ENKUR: variants seen among roughly 807,000 people sequenced by gnomAD.
ENKUR encodes enkurin, TRPC channel interacting protein.
ENKUR carries 19 observed loss-of-function variants against 27.6 expected under a neutral mutation model. That is an observed-to-expected ratio of 0.69 (90% CI 0.48 to 1.01). The LOEUF (loss-of-function observed/expected upper bound fraction) is 1.01. Ranked by LOEUF, ENKUR falls within the 50% of genes least tolerant of loss-of-function variation. ENKUR has a pLI of 0.00. For missense variants in ENKUR, 312 were observed against 310.5 expected, an observed-to-expected ratio of 1.00 and a Z score of -0.04; for synonymous variants, 117 against 96.9, an observed-to-expected ratio of 1.21 and a Z score of -1.22.
At chr10:24,988,350 A>T (rs922934982) in intron 4 of ENKUR, among the ~76,000 whole-genome samples, 2 of 145,194 alleles carry the variant, frequency 1.4e-5, no homozygotes, top group Non-Finnish European at 3.0e-5. Flanking sequence ...ATATATATTT[A>T]TATATGTGTA....
chr10:24,999,438 G>A lies in ENKUR; in HGVS notation c.186C>T (p.Phe62=), dbSNP rs1325796373. 1.9e-6 allele frequency: 3 copies of A among 1,612,146 alleles called. No homozygotes were observed. In the East Asian group the frequency reaches 6.7e-5, roughly 36 times the overall value. The change falls in exon 2 of 6, where the codon TTC becomes TTT. Residue 62 remains phenylalanine (F), a synonymous_variant. Coordinates refer to ENST00000331161, the MANE Select transcript of ENKUR (RefSeq NM_145010.4). ...TTTTTTCCTTTGAATGTTTCTTTAG[G>A]AAATCCTTTGGAGAAGGTACTTCAA... ...AKVEVPSPKD[F]LKKHSKEKTL...
intron 2 of ENKUR, chr10:25,025,180 G>A: frequency 6.2e-7 from 1 of 1,614,138 alleles, no homozygotes; most frequent in Non-Finnish European, 8.5e-7. Context: ...TGCAGATAGG[G>A]TGCAAGACAA....
At position 25,007,430 on chromosome 10, in the gene ENKUR, ATTTG is replaced by A. The variant is rs897831915; in HGVS notation, c.78-7888_78-7885del. On this transcript the variant is annotated intron_variant, in intron 1 of 5. Coordinates refer to ENST00000331161, the MANE Select transcript of ENKUR (RefSeq NM_145010.4). ...GTATAGGTTTCTTATTTATTTATTT[ATTTG>A]TTTGTTTGTTTATTTATTGAGATGG... Among the ~76,000 whole-genome samples, 119 of 150,886 alleles carry A rather than the reference ATTTG, an allele frequency of 7.9e-4. 1 individual carries two copies. The highest frequency in any genetic ancestry group is 3.9e-4 in the East Asian group (2 of 5,140).
intron 2 of ENKUR, chr10:25,026,763 A>G (rs183106188): frequency 6.5e-6 from 1 of 153,228 alleles, no homozygotes; most frequent in African/African-American, 2.4e-5. Context: ...AACCTCCATA[A>G]AGAAATATAT....
Position 25,015,843 on chromosome 10 carries a change from T to C in ENKUR, c.77+17A>G. 1 of 1,589,286 alleles carries C rather than the reference T, an allele frequency of 6.3e-7. No individual in the cohort carries two copies. Among genetic ancestry groups the C allele is most frequent in the Non-Finnish European group, 8.6e-7 (1 of 1,168,452 alleles). On this transcript the variant is annotated intron_variant, in intron 1 of 5. Transcript: ENST00000331161. The stretch of plus-strand genomic sequence containing the variant: ...CCCATTCTTGTTTCAAGTGATAGTC[T>C]TTGCTTATCCACATACCTAGGAGGC...
chr10:24,999,646 C>T (rs1261462509), intron 1 of ENKUR, 100 bp from the exon 2 acceptor site: 2 of 1,098,520 alleles, frequency 1.8e-6, no homozygotes, highest in African/African-American at 3.2e-5. Flanking sequence ...TTATTTAAGT[C>T]TATATTCGTA....
chr10:25,030,124 C>T lies in ENKUR; in HGVS notation c.37+30988G>A, dbSNP rs112384306. On this transcript the variant is annotated intron_variant, in intron 2 of 5. Coordinates refer to the ENKUR transcript ENST00000615958. ...GCAGGCTGGTTGATTTATAGGGAGA[C>T]TACCCTATAGGGTCTCTCTAGTCAC... Among the ~76,000 whole-genome samples the T allele has an allele frequency of 1.1e-3, 172 of 152,232 alleles. 1 individual carries two copies. The highest frequency in any genetic ancestry group is 1.8e-3 in the Non-Finnish European group (124 of 68,000).
intron 1 of ENKUR, among the ~76,000 whole-genome samples, chr10:25,012,763 G>T (rs1370398066): frequency 6.6e-6 from 1 of 152,210 alleles, no homozygotes; most frequent in Non-Finnish European, 1.5e-5. Flanking sequence ...TCTCAAATGA[G>T]ACTTTGAACT....
chr10:25,057,166 G>A (rs979270275), intron 2 of ENKUR, among the ~76,000 whole-genome samples: 2 of 152,032 alleles, frequency 1.3e-5, no homozygotes, highest in South Asian at 2.1e-4. Flanking sequence ...ATTTAGAATC[G>A]ATTTGTCCAA....
Position 24,984,295 on chromosome 10 carries a change from T to TA in ENKUR, c.*74dup, listed in dbSNP as rs996548807. On this transcript the variant is annotated 3_prime_UTR_variant, in exon 6 of 6. Transcript: ENST00000331161. ...CAGAAACAATGTGTTGGAGACAGTT[T>TA]AGAGTAGCAAGAAGGCACGTGTTAC... is the stretch of plus-strand genomic sequence containing the variant. 6.6e-7 allele frequency: 1 copy of TA among 1,515,154 alleles called. No homozygotes were observed. The highest frequency in any genetic ancestry group is 1.4e-5 in the African/African-American group (1 of 70,894). The allele number at this position is 1,515,154 out of a possible 1,614,324, so 93.9% of individuals were successfully genotyped here.
chr10:25,051,041 C>T (rs1851182143), intron 2 of ENKUR, among the ~76,000 whole-genome samples: 1 of 152,060 alleles, frequency 6.6e-6, no homozygotes, highest in East Asian at 1.9e-4. Flanking sequence ...TAGGTACAGA[C>T]TTTGAAAATT....
At chr10:24,993,096 C>G (rs1244342431) in intron 3 of ENKUR, among the ~76,000 whole-genome samples, 2 of 152,050 alleles carry the variant, frequency 1.3e-5, no homozygotes, top group Admixed American at 6.6e-5. Flanking sequence ...AAGTTCAAGA[C>G]CAGCCTGGGC....
intron 2 of ENKUR, among the ~76,000 whole-genome samples, chr10:25,054,796 C>T (rs1202105542): frequency 6.6e-6 from 1 of 151,694 alleles, no homozygotes; most frequent in Non-Finnish European, 1.5e-5. Context: ...CCCACCTCAG[C>T]CCCCCTCATA....
intron 2 of ENKUR, among the ~76,000 whole-genome samples, chr10:25,049,590 C>A (rs900654296): frequency 3.9e-5 from 6 of 152,022 alleles, no homozygotes; most frequent in African/African-American, 1.4e-4. Context: ...GGGTTCGAGA[C>A]CAGCCTGGCC....
At chr10:25,027,479 G>C (rs1254545930) in intron 2 of ENKUR, among the ~76,000 whole-genome samples, 1 of 150,504 alleles carries the variant, frequency 6.6e-6, no homozygotes, top group Admixed American at 6.6e-5. Flanking sequence ...GCAGGTTGCG[G>C]TTGAGCAGAG....
chr10:25,010,454 A>C (rs1013542206), intron 1 of ENKUR, among the ~76,000 whole-genome samples: 4 of 151,682 alleles, frequency 2.6e-5, no homozygotes, highest in Non-Finnish European at 5.9e-5. Context: ...TTTTATTATT[A>C]TTATTATACT....
rs754698243 is a variant in ENKUR, at chr10:24,999,405, T to G, written c.219A>C (p.Pro73=). Residue 73 remains proline (P), a synonymous_variant, in exon 2 of 6, where the codon CCA becomes CCC. Coordinates refer to ENST00000331161, the MANE Select transcript of ENKUR (RefSeq NM_145010.4). ...ATAAAGCATGATAAAACCTACTGGG[T>G]GGTAGAGTTTTTTCCTTTGAATGTT... The part of the protein sequence containing the change: ...LKKHSKEKTL[P]PKKNFDRNVP... The G allele has an allele frequency of 2.2e-5, 35 of 1,604,566 alleles. No individual in the cohort carries two copies. Among genetic ancestry groups the G allele is most frequent in the Non-Finnish European group, 2.8e-5 (33 of 1,177,598 alleles).
intron 2 of ENKUR, among the ~76,000 whole-genome samples, chr10:25,040,371 A>ATTTTT (rs370808163): frequency 1.0e-4 from 14 of 133,808 alleles, no homozygotes; most frequent in South Asian, 2.5e-4. Context: ...ATTAAATGGG[A>ATTTTT]TTTTTTTTTT....
In ENKUR at chr10:24,988,702, A is replaced by ATG. The variant is rs1454190454; in HGVS notation, c.594+1760_594+1761insCA. ...TATATATATATATATATATATATATATATATATATATATATATATATATAT... is the reference window on the plus strand; with the variant it reads ...TATATATATATATATATATATATATATGTATATATATATATATATATATATAT... On this transcript the variant is annotated intron_variant, in intron 4 of 5. Transcript: ENST00000331161. 2.8e-3 allele frequency among the ~76,000 whole-genome samples: 115 copies of ATG among 41,164 alleles called. 3 individuals are homozygous for ATG. Among genetic ancestry groups the ATG allele is most frequent in the African/African-American group, 0.014 (108 of 7,514 alleles). The allele number at this position is 41,164 out of a possible 152,430, so 27.0% of individuals were successfully genotyped here. A position where few individuals can be genotyped will look rare whatever the true frequency, so the allele number is the denominator to read the frequency against.
Sources: allele counts gnomAD v4.1 joint callset (sites outside exome capture counted in the v4.1 genomes callset), GRCh38; gene constraint gnomAD v4.1.1; transcripts MANE v1.5; gene names NCBI Gene and HGNC (gene_info 2026-07-23, HGNC 2026-07-21).